EVC: variants seen among roughly 807,000 people sequenced by gnomAD.
EVC encodes the protein EvC ciliary complex subunit 1, also known as evC complex member EVC.
A neutral mutation model predicts 118.9 loss-of-function variants in EVC; 116 were observed. That is an observed-to-expected ratio of 0.98 (90% CI 0.84 to 1.14). The LOEUF (loss-of-function observed/expected upper bound fraction) is 1.14. EVC is among the 50% of genes most tolerant of loss of function. The probability of loss-of-function intolerance (pLI) is 0.00; values close to 1 mark genes in which losing one functional copy is unlikely to be tolerated. For synonymous variants in EVC, 619 were observed against 534.7 expected (o/e 1.16, Z -2.18); for missense variants, 1,401 against 1,246.4 (o/e 1.12, Z -1.87).
rs1246170119 is a variant in EVC, at chr4:5,811,264, A to G, written c.*227A>G. 5 of 516,464 alleles carry G rather than the reference A, an allele frequency of 9.7e-6. No individual in the cohort carries two copies. In the East Asian group the frequency reaches 1.4e-4, roughly 14 times the overall value. 32.0% of individuals were successfully genotyped at this position (516,464 alleles called of 1,614,324 possible). A position where few individuals can be genotyped will look rare whatever the true frequency, so the allele number is the denominator to read the frequency against. On this transcript the variant is annotated 3_prime_UTR_variant, in exon 21 of 21. Transcript: ENST00000264956. ...TGGAAACACGTCTCTGTGAGTTTGC[A>G]TTTCATTTGGCTTGGAGCCCTGGCT...
the EVC span, among the ~76,000 whole-genome samples, chr4:5,822,005 A>C: frequency 8.1e-6 from 1 of 123,450 alleles, no homozygotes. Flanking sequence ...CCTGGCCTCC[A>C]CAGAGTCCAC....
chr4:5,807,050 TGA>T (rs1175932575), intron 17 of EVC, among the ~76,000 whole-genome samples: 1 of 152,254 alleles, frequency 6.6e-6, no homozygotes, highest in Non-Finnish European at 1.5e-5. Context: ...CTTTAAGGTG[TGA>T]GAGAGGCTGG....
the EVC span, chr4:5,824,320 C>CA: frequency 1.0e-6 from 1 of 985,296 alleles, no homozygotes; most frequent in East Asian, 1.1e-4. Flanking sequence ...CCATTTTGTG[C>CA]AAAAATATGA....
intron 11 of EVC, among the ~76,000 whole-genome samples, chr4:5,783,207 A>G (rs4689304): frequency 0.49 from 74,609 of 151,860 alleles, 19,133 homozygotes; most frequent in African/African-American, 0.62. Flanking sequence ...GTGTGCATGG[A>G]TCAAATGTGA....
Position 5,753,768 on chromosome 4 carries a change from G to A in EVC, c.1316-17G>A. ...TCACAGAGTCACCTCCTATGCTGTG[G>A]CTTTTTTCAATCCCAGAGTTTGTCC... On this transcript the variant is annotated splice_polypyrimidine_tract_variant and intron_variant, in intron 9 of 20. Transcript: ENST00000264956. 6.2e-7 allele frequency: 1 copy of A among 1,614,178 alleles called. No homozygotes were observed. Among genetic ancestry groups the A allele is most frequent in the Non-Finnish European group, 8.5e-7 (1 of 1,180,024 alleles).
At chr4:5,824,464 A>G in the EVC span, 2 of 984,640 alleles carry the variant, frequency 2.0e-6, no homozygotes, top group Non-Finnish European at 2.4e-6. Flanking sequence ...CCACCACACA[A>G]TCTGAATTCA....
At chr4:5,768,371 C>T (rs1373567007) in intron 11 of EVC, among the ~76,000 whole-genome samples, 2 of 152,088 alleles carry the variant, frequency 1.3e-5, no homozygotes, top group African/African-American at 4.8e-5. Flanking sequence ...ACTGCTGTGG[C>T]CCGTGTAAGA....
At chr4:5,782,654 G>T (rs1735798794) in intron 11 of EVC, among the ~76,000 whole-genome samples, 1 of 151,762 alleles carries the variant, frequency 6.6e-6, no homozygotes, top group African/African-American at 2.4e-5. Flanking sequence ...TATTGGGGTG[G>T]GGGAGCGGGG....
chr4:5,802,260 A>G (rs889398372), intron 16 of EVC, among the ~76,000 whole-genome samples, 166 bp downstream of exon 16: 1 of 152,196 alleles, frequency 6.6e-6, no homozygotes, highest in Non-Finnish European at 1.5e-5. Context: ...GCCTTTTTCA[A>G]AAGGCACTTA....
intron 18 of EVC, among the ~76,000 whole-genome samples, chr4:5,808,996 TGATA>T (rs1427155839): frequency 6.6e-6 from 1 of 152,206 alleles, no homozygotes; most frequent in Non-Finnish European, 1.5e-5. Flanking sequence ...TGAGGGTCTA[TGATA>T]GATAGTCATG....
Position 5,731,035 on chromosome 4 carries a change from G to A in EVC, c.385-390G>A, listed in dbSNP as rs551198912. 2.0e-5 allele frequency among the ~76,000 whole-genome samples: 3 copies of A among 152,190 alleles called. No homozygotes were observed. The highest frequency in any genetic ancestry group is 2.9e-5 in the Non-Finnish European group (2 of 68,004). On this transcript the variant is annotated intron_variant, in intron 3 of 20. Transcript: ENST00000264956. The surrounding 1 kb of genome is among the most constrained non-coding windows in gnomAD (Gnocchi z 5.6). ...GAAGGACAGGTGGTTGGCAGGATTC[G>A]TGGAGGGAGCAGGCCAGGGGGTCAG...
chr4:5,798,665 T>C lies in EVC; in HGVS notation c.2177T>C (p.Leu726Pro). Residue 726 changes from leucine to proline, a missense_variant, in exon 15 of 21, where the codon CTG (leucine) becomes CCG (proline). Physicochemically the swap from Leu to Pro is moderately conservative, Grantham distance 98 (BLOSUM62 -3). Coordinates refer to ENST00000264956, the MANE Select transcript of EVC (RefSeq NM_153717.3). This position sits in a 1 kb window ranked among gnomAD's most constrained non-coding sequence, Gnocchi z 4.1. Reference protein sequence around the residue: ...QTRLQLQQRLLAEAQEVGQLL... With the variant: ...QTRLQLQQRLPAEAQEVGQLL... The stretch of plus-strand genomic sequence containing the variant: ...CGGCTGCAGCTCCAGCAGCGGCTCC[T>C]GGCCGAGGCCCAGGAGGTGGGGCAG... 1.3e-6 allele frequency: 2 copies of C among 1,594,400 alleles called. No individual in the cohort carries two copies. Among genetic ancestry groups the C allele is most frequent in the East Asian group, 2.3e-5 (1 of 43,606 alleles).
At chr4:5,815,926 G>A (rs1717602628), downstream of EVC, among the ~76,000 whole-genome samples, 1 of 152,128 alleles carries the variant, frequency 6.6e-6, no homozygotes, top group African/African-American at 2.4e-5. Flanking sequence ...TTGGAAGGAA[G>A]GGAGGGAGGA....
chr4:5,725,658 C>T (rs1299485572), intron 2 of EVC, among the ~76,000 whole-genome samples: 2 of 152,136 alleles, frequency 1.3e-5, no homozygotes, highest in Admixed American at 1.3e-4. Context: ...AATGTTCTCC[C>T]CTTCTGTAGA....
intron 5 of EVC, among the ~76,000 whole-genome samples, chr4:5,735,487 G>A (rs1050680568): frequency 6.6e-6 from 1 of 152,230 alleles, no homozygotes; most frequent in East Asian, 1.9e-4. Flanking sequence ...GAGTTACTGG[G>A]AAGTCAAGCT....
At chr4:5,803,279 A>G (rs1715329451) in intron 16 of EVC, among the ~76,000 whole-genome samples, 1 of 152,150 alleles carries the variant, frequency 6.6e-6, no homozygotes, top group Admixed American at 6.5e-5. Context: ...ATCCCAGGAG[A>G]GTCTTCCCTG....
At chr4:5,750,324 G>GA (rs1472102375) in intron 8 of EVC, among the ~76,000 whole-genome samples, 1 of 152,078 alleles carries the variant, frequency 6.6e-6, no homozygotes, top group East Asian at 1.9e-4. Context: ...TATTGATGCA[G>GA]AAAAAAGAAA....
At chr4:5,823,218 C>T in the EVC span, among the ~76,000 whole-genome samples, 1 of 152,122 alleles carries the variant, frequency 6.6e-6, no homozygotes, top group Non-Finnish European at 1.5e-5. Flanking sequence ...TAGATGAGCC[C>T]CTTCCAACTC....
chr4:5,728,864 A>G (rs1726298498), intron 2 of EVC, among the ~76,000 whole-genome samples: 1 of 152,168 alleles, frequency 6.6e-6, no homozygotes. Flanking sequence ...ATTTCTTCCA[A>G]AGCTGAAGAT....
Sources: gnomAD v4.1 joint callset for allele counts (sites outside exome capture counted in the v4.1 genomes callset) on GRCh38, gnomAD v4.1.1 for gene constraint, Gnocchi (gnomAD v3.1) non-coding constraint, MANE v1.5 for transcripts, NCBI Gene and HGNC (gene_info 2026-07-23, HGNC 2026-07-21) for gene names.